The following ITGA1 variants were observed in gnomAD, a reference collection of about 807,000 sequenced individuals.
ITGA1 encodes integrin alpha-1.
ITGA1 carries 85 observed loss-of-function variants against 145.9 expected under a neutral mutation model. The ratio of observed to expected loss-of-function variants is 0.58; its 90% CI spans 0.49 to 0.70. The LOEUF is 0.70. ITGA1 is among the 30% of genes least tolerant of loss of function. The pLI is 0.00. For synonymous variants in ITGA1, 520 were observed against 495.3 expected, an observed-to-expected ratio of 1.05 and a Z score of -0.66; for missense variants, 1,351 against 1,418.7, an observed-to-expected ratio of 0.95 and a Z score of 0.77.
chr5:52,898,118 A>G (rs1750257851), intron 10 of ITGA1, 121 bp from the exon 11 acceptor site: 2 of 541,934 alleles, frequency 3.7e-6, no homozygotes, highest in Admixed American at 7.6e-5. Flanking sequence ...CATGAGGATT[A>G]TATAAGCTAA....
At chr5:52,924,705 G>A (rs932546619) in intron 18 of ITGA1, among the ~76,000 whole-genome samples, 5 of 152,186 alleles carry the variant, frequency 3.3e-5, no homozygotes, top group Non-Finnish European at 5.9e-5. Flanking sequence ...GAGGAAATGA[G>A]AATGCTTGGG....
At chr5:52,854,736 C>T (rs1174139784) in intron 2 of ITGA1, among the ~76,000 whole-genome samples, 2 of 152,190 alleles carry the variant, frequency 1.3e-5, no homozygotes, top group African/African-American at 4.8e-5. Flanking sequence ...ACACCACCTA[C>T]TCTTCAAATA....
chr5:52,869,342 G>T (rs1384474924), intron 6 of ITGA1, among the ~76,000 whole-genome samples: 1 of 152,058 alleles, frequency 6.6e-6, no homozygotes, highest in Non-Finnish European at 1.5e-5. Flanking sequence ...TGTATTTTTA[G>T]TAGAGATAGG....
At position 52,819,832 on chromosome 5, in the gene ITGA1, T is replaced by TA. The variant is rs535668673; in HGVS notation, c.62-29531dup. Among the ~76,000 whole-genome samples the TA allele has an allele frequency of 9.7e-3, 1,472 of 152,268 alleles. 45 individuals are homozygous for TA. The East Asian group carries it at 0.12, about 12-fold the overall frequency. On this transcript the variant is annotated intron_variant, in intron 1 of 28. Transcript: ENST00000282588. ...CTTGAATTAATTTTTGTATAAGGTG[T>TA]AAGGAAGGGATCCGGTTTCAGCTTT...
At chr5:52,818,904 C>T (rs1352488110) in intron 1 of ITGA1, among the ~76,000 whole-genome samples, 1 of 152,002 alleles carries the variant, frequency 6.6e-6, no homozygotes, top group Non-Finnish European at 1.5e-5. Flanking sequence ...CTTAAGAGAC[C>T]CTAAAATGTC....
At chr5:52,849,590 T>C (rs1187429541) in intron 2 of ITGA1, 105 bp downstream of exon 2, 5 of 1,043,150 alleles carry the variant, frequency 4.8e-6, no homozygotes, top group African/African-American at 1.6e-5. Context: ...ACAGAATGAA[T>C]TATTTATGGT....
intron 1 of ITGA1, among the ~76,000 whole-genome samples, chr5:52,827,077 T>A (rs1748979512): frequency 6.7e-6 from 1 of 148,962 alleles, no homozygotes; most frequent in African/African-American, 2.5e-5. Context: ...CCATTATAGA[T>A]GCCATTAAGA....
At chr5:52,858,754 C>T (rs912699208) in intron 2 of ITGA1, among the ~76,000 whole-genome samples, 12 of 152,026 alleles carry the variant, frequency 7.9e-5, no homozygotes, top group South Asian at 2.1e-4. Context: ...CTTTCAACAT[C>T]GATGTTAGTT....
At chr5:52,951,382 C>A (rs1751216415) in intron 28 of ITGA1, among the ~76,000 whole-genome samples, 1 of 151,978 alleles carries the variant, frequency 6.6e-6, no homozygotes, top group South Asian at 2.1e-4. Flanking sequence ...TTGCAAAGAT[C>A]CCTTCTATCC....
intron 1 of ITGA1, among the ~76,000 whole-genome samples, chr5:52,823,526 G>A (rs1748912107): frequency 6.6e-6 from 1 of 152,166 alleles, no homozygotes; most frequent in Non-Finnish European, 1.5e-5. Flanking sequence ...AAATGGTGAT[G>A]ATTATGTCCA....
At chr5:52,896,912 A>G (rs530275707) in intron 9 of ITGA1, among the ~76,000 whole-genome samples, 31 of 152,270 alleles carry the variant, frequency 2.0e-4, no homozygotes, top group Non-Finnish European at 4.3e-4. Context: ...AGAGCAAATA[A>G]ATGCATACTA....
At position 52,864,825 on chromosome 5, in the gene ITGA1, G is replaced by A; in HGVS notation, c.358G>A (p.Val120Ile). The A allele has an allele frequency of 3.7e-6, 6 of 1,611,656 alleles. No homozygotes were observed. The highest frequency in any genetic ancestry group is 5.1e-6 in the Non-Finnish European group (6 of 1,178,020). ...KENMTFGSTL[V>I]TNPNGGFLAC... ...GAACATGACATTTGGATCAACTTTA[G>A]TCACCAACCCAAATGGAGGATTTCT... Residue 120 changes from valine to isoleucine, a missense_variant, in exon 4 of 29, where the codon GTC (valine) becomes ATC (isoleucine). Transcript: ENST00000282588.
At chr5:52,887,001 T>C (rs1172686128) in intron 7 of ITGA1, among the ~76,000 whole-genome samples, 2 of 151,924 alleles carry the variant, frequency 1.3e-5, no homozygotes, top group Non-Finnish European at 2.9e-5. Flanking sequence ...ATAGTCTCGA[T>C]CTCTTGACCT....
chr5:52,942,398 GT>G (rs1450204912), intron 26 of ITGA1, among the ~76,000 whole-genome samples: 2 of 152,038 alleles, frequency 1.3e-5, no homozygotes, highest in South Asian at 4.2e-4. Context: ...TAAATGAAAG[GT>G]TTTTTCTTTT....
intron 8 of ITGA1, among the ~76,000 whole-genome samples, chr5:52,892,460 C>A (rs1177486170): frequency 1.3e-5 from 2 of 152,140 alleles, no homozygotes; most frequent in Non-Finnish European, 2.9e-5. Flanking sequence ...AAAAGTTAAT[C>A]ATTCACTTAT....
intron 2 of ITGA1, among the ~76,000 whole-genome samples, chr5:52,850,710 G>A (rs1358337935): frequency 1.3e-5 from 2 of 152,078 alleles, no homozygotes; most frequent in African/African-American, 2.4e-5. Context: ...ACTAGAATTT[G>A]TTGAGATACT....
Position 52,791,731 on chromosome 5 carries a change from T to C in ITGA1, c.61+3317T>C, listed in dbSNP as rs28506802. Among the ~76,000 whole-genome samples, 463 of 81,674 alleles carry C rather than the reference T, an allele frequency of 5.7e-3. 3 individuals carry two copies. Among genetic ancestry groups the C allele is most frequent in the African/African-American group, 0.021 (449 of 21,076 alleles). The allele number at this position is 81,674 out of a possible 152,430, so 53.6% of individuals were successfully genotyped here. On this transcript the variant is annotated intron_variant, in intron 1 of 28. Transcript: ENST00000282588. ...CAAGCAGTCACAGATTTCTTTGTTC[T>C]TTTTTCACTCCCTCAGCTTGTTGAT...
intron 18 of ITGA1, 51 bp downstream of exon 18, chr5:52,922,938 T>A: frequency 9.5e-7 from 1 of 1,051,504 alleles, no homozygotes; most frequent in African/African-American, 1.6e-5. Context: ...AACATTTTAA[T>A]GTCACTAGTA....
In ITGA1 at chr5:52,840,884, T is replaced by C. The variant is rs144388240; in HGVS notation, c.62-8481T>C. Among the ~76,000 whole-genome samples, 571 of 152,310 alleles carry C rather than the reference T, an allele frequency of 3.7e-3. 4 individuals are homozygous for C. Among genetic ancestry groups the C allele is most frequent in the African/African-American group, 0.013 (552 of 41,568 alleles). On this transcript the variant is annotated intron_variant, in intron 1 of 28. Coordinates refer to ENST00000282588, the MANE Select transcript of ITGA1 (RefSeq NM_181501.2). ...ACAAACTTGTATTAAACAGCTACTT[T>C]GTATCAAGAACTATACTTCCTTGCC...
Sources: allele counts gnomAD v4.1 joint callset (sites outside exome capture counted in the v4.1 genomes callset), GRCh38; gene constraint gnomAD v4.1.1; transcripts MANE v1.5; gene names NCBI Gene and HGNC (gene_info 2026-07-23, HGNC 2026-07-21).